The following AGK variants were observed in gnomAD, a reference collection of about 807,000 sequenced individuals.
AGK encodes acylglycerol kinase, mitochondrial.
AGK carries 52 observed loss-of-function variants against 66.4 expected under a neutral mutation model. That is an observed-to-expected ratio of 0.78 (90% CI 0.63 to 0.99). AGK has a LOEUF of 0.99. AGK is among the 50% of genes least tolerant of loss of function. The probability of loss-of-function intolerance (pLI) is 0.00; values close to 1 mark genes in which losing one functional copy is unlikely to be tolerated. For synonymous variants in AGK, 182 were observed against 181.1 expected, an observed-to-expected ratio of 1.00 and a Z score of -0.04; for missense variants, 451 against 506.6, an observed-to-expected ratio of 0.89 and a Z score of 1.05.
chr7:141,566,231 C>T (rs1795465422), intron 2 of AGK, among the ~76,000 whole-genome samples: 1 of 152,204 alleles, frequency 6.6e-6, no homozygotes, highest in South Asian at 2.1e-4. Context: ...ACATTTTCTC[C>T]ATAGTACTAT....
chr7:141,652,059 C>G (rs1436728841), intron 15 of AGK, among the ~76,000 whole-genome samples: 1 of 151,966 alleles, frequency 6.6e-6, no homozygotes, highest in Non-Finnish European at 1.5e-5. Flanking sequence ...CTTAGAATAA[C>G]CTATGTAAGT....
rs1797627248 is a variant in AGK, at chr7:141,653,964, A to G, written c.*1040A>G. 1 of 152,200 alleles carries G rather than the reference A, an allele frequency of 6.6e-6. No individual in the cohort carries two copies. The highest frequency in any genetic ancestry group is 1.5e-5 in the Non-Finnish European group (1 of 68,038). The allele number at this position is 152,200 out of a possible 1,614,324, so 9.4% of individuals were successfully genotyped here. On this transcript the variant is annotated 3_prime_UTR_variant, in exon 16 of 16. Transcript: ENST00000649286. ...TTTGACACCCTTCATTCATTTATAA[A>G]AATAAATGAGCTAGTTCTTTAGTAG...
intron 2 of AGK, among the ~76,000 whole-genome samples, chr7:141,558,406 C>T (rs1795262803): frequency 6.6e-6 from 1 of 151,532 alleles, no homozygotes; most frequent in Non-Finnish European, 1.5e-5. Flanking sequence ...CTCAGGTGAT[C>T]TGCCCGCCTT....
intron 7 of AGK, 46 bp downstream of exon 7, chr7:141,614,224 C>T: frequency 7.4e-7 from 1 of 1,346,654 alleles, no homozygotes; most frequent in East Asian, 2.5e-5. Flanking sequence ...TTTTTCTGTT[C>T]TTTTTTATTG....
At chr7:141,613,321 A>T (rs2116959196) in intron 6 of AGK, among the ~76,000 whole-genome samples, 1 of 152,352 alleles carries the variant, frequency 6.6e-6, no homozygotes, top group African/African-American at 2.4e-5. Context: ...CAAGTGATTT[A>T]TAATTGGTTA....
intron 2 of AGK, chr7:141,561,984 A>T: frequency 2.2e-6 from 1 of 452,694 alleles, no homozygotes; most frequent in East Asian, 7.0e-5. Context: ...GGTGCTGGGG[A>T]ATGTCTGAAA....
At chr7:141,638,555 C>G (rs1439909429) in intron 11 of AGK, among the ~76,000 whole-genome samples, 4 of 151,866 alleles carry the variant, frequency 2.6e-5, no homozygotes, top group African/African-American at 4.8e-5. Flanking sequence ...GTAGGTAGCT[C>G]AAGGCAAGGA....
intron 2 of AGK, among the ~76,000 whole-genome samples, chr7:141,563,780 C>A (rs1409706281): frequency 6.6e-6 from 1 of 152,182 alleles, no homozygotes; most frequent in East Asian, 1.9e-4. Flanking sequence ...ATTAGGATTT[C>A]TTGTCCCTTG....
chr7:141,611,794 C>T (rs1364981073), intron 6 of AGK, among the ~76,000 whole-genome samples: 4 of 152,102 alleles, frequency 2.6e-5, no homozygotes, highest in Non-Finnish European at 4.4e-5. Flanking sequence ...CAATGAGATG[C>T]CACTATGCAC....
intron 9 of AGK, among the ~76,000 whole-genome samples, chr7:141,632,847 C>T (rs1231861666): frequency 6.6e-6 from 1 of 152,202 alleles, no homozygotes; most frequent in Non-Finnish European, 1.5e-5. Flanking sequence ...CCTTTCCTTG[C>T]AGGCTTCTTT....
intron 3 of AGK, among the ~76,000 whole-genome samples, chr7:141,594,393 C>T (rs1796187261): frequency 6.6e-6 from 1 of 152,044 alleles, no homozygotes; most frequent in African/African-American, 2.4e-5. Flanking sequence ...TAGGGGTTCT[C>T]CATGTTGGCC....
At chr7:141,595,790 G>C (rs1796213823) in intron 3 of AGK, among the ~76,000 whole-genome samples, 1 of 152,076 alleles carries the variant, frequency 6.6e-6, no homozygotes, top group African/African-American at 2.4e-5. Context: ...CTAGTCCTCT[G>C]CCTTTTAATT....
At chr7:141,569,951 T>C (rs992154347) in intron 2 of AGK, among the ~76,000 whole-genome samples, 49 of 152,322 alleles carry the variant, frequency 3.2e-4, no homozygotes, top group African/African-American at 1.1e-3. Flanking sequence ...GGAGTCTGGG[T>C]TTAAGTCTTG....
intron 5 of AGK, among the ~76,000 whole-genome samples, chr7:141,603,344 T>C (rs2116938661): frequency 6.6e-6 from 1 of 152,344 alleles, no homozygotes; most frequent in Non-Finnish European, 1.5e-5. Flanking sequence ...AGTTTCAGAT[T>C]ATTTCATTTT....
At chr7:141,633,159 T>A (rs1797094787) in intron 9 of AGK, among the ~76,000 whole-genome samples, 1 of 152,160 alleles carries the variant, frequency 6.6e-6, no homozygotes, top group African/African-American at 2.4e-5. Context: ...GTGGGGGCAC[T>A]GGGTGCCTGT....
intron 2 of AGK, among the ~76,000 whole-genome samples, chr7:141,583,345 A>C (rs993148798): frequency 6.7e-6 from 1 of 150,198 alleles, no homozygotes; most frequent in Admixed American, 6.6e-5. Context: ...TGGTAGAGAC[A>C]TGGAGAGAAG....
At chr7:141,586,202 C>T (rs988170477) in intron 2 of AGK, among the ~76,000 whole-genome samples, 2 of 152,192 alleles carry the variant, frequency 1.3e-5, no homozygotes, top group Non-Finnish European at 2.9e-5. Context: ...TTACACTCTA[C>T]ACACCCACAC....
intron 8 of AGK, among the ~76,000 whole-genome samples, chr7:141,620,278 C>T (rs1352867791): frequency 1.3e-5 from 2 of 151,962 alleles, no homozygotes; most frequent in African/African-American, 2.4e-5. Context: ...CAGCTTTTGT[C>T]AAAATTTATA....
chr7:141,603,235 G>A (rs1796380437), intron 5 of AGK, among the ~76,000 whole-genome samples: 1 of 152,082 alleles, frequency 6.6e-6, no homozygotes, highest in Non-Finnish European at 1.5e-5. Context: ...GGGGGTATTA[G>A]AAATCTCCCA....
Sources: allele counts gnomAD v4.1 joint callset (sites outside exome capture counted in the v4.1 genomes callset), GRCh38; gene constraint gnomAD v4.1.1; transcripts MANE v1.5; gene names NCBI Gene and HGNC (gene_info 2026-07-23, HGNC 2026-07-21).